LOC112694756: variants seen among roughly 807,000 people sequenced by gnomAD.
At chr16:30,069,299 C>T in the LOC112694756 span, 8 of 1,614,152 alleles carry the variant, frequency 5.0e-6, no homozygotes, top group African/African-American at 1.3e-5. Context: ...TGTCCCTCGC[C>T]CTGCAGAATG....
At chr16:30,058,699 G>C in the LOC112694756 span, among the ~76,000 whole-genome samples, 8 of 151,868 alleles carry the variant, frequency 5.3e-5, no homozygotes, top group Non-Finnish European at 1.2e-4. Flanking sequence ...AGCCAGGATG[G>C]TCTTGATCTC....
the LOC112694756 span, among the ~76,000 whole-genome samples, chr16:30,053,999 G>A: frequency 1.3e-5 from 2 of 152,114 alleles, no homozygotes; most frequent in African/African-American, 2.4e-5. Flanking sequence ...CTGCACTCCA[G>A]CCTGGGTGAC....
the LOC112694756 span, chr16:30,067,501 A>ACCGGCG: frequency 6.2e-7 from 1 of 1,613,704 alleles, no homozygotes; most frequent in Non-Finnish European, 8.5e-7. Context: ...ACCGAGGAGA[A>ACCGGCG]CCGGCGCTTC....
At chr16:30,067,200 T>G in the LOC112694756 span, 21 of 1,611,906 alleles carry the variant, frequency 1.3e-5, no homozygotes, top group South Asian at 2.3e-4. Flanking sequence ...AAACCCTAGC[T>G]AACTAGTCCT....
the LOC112694756 span, among the ~76,000 whole-genome samples, chr16:30,062,156 T>C: frequency 6.6e-6 from 1 of 150,688 alleles, no homozygotes; most frequent in Admixed American, 6.6e-5. Flanking sequence ...CAAGCTGAGA[T>C]CCCACCATTG....
the LOC112694756 span, chr16:30,068,718 C>T: frequency 1.2e-6 from 2 of 1,614,242 alleles, no homozygotes; most frequent in African/African-American, 1.3e-5. Flanking sequence ...CTGTTTGATT[C>T]TCTGCCCTAC....
At chr16:30,069,297 G>A in the LOC112694756 span, 31 of 1,614,076 alleles carry the variant, frequency 1.9e-5, no homozygotes, top group African/African-American at 8.0e-5. Flanking sequence ...CCTGTCCCTC[G>A]CCCTGCAGAA....
the LOC112694756 span, among the ~76,000 whole-genome samples, chr16:30,061,756 C>T: frequency 6.6e-6 from 1 of 151,264 alleles, no homozygotes; most frequent in Non-Finnish European, 1.5e-5. Flanking sequence ...GAAGAGGTTT[C>T]GCCATGTTGG....
At chr16:30,056,235 G>A in the LOC112694756 span, among the ~76,000 whole-genome samples, 1 of 144,340 alleles carries the variant, frequency 6.9e-6, no homozygotes, top group Non-Finnish European at 1.5e-5. Flanking sequence ...TCAGCCTCCT[G>A]AGTAGTAGGA....
the LOC112694756 span, chr16:30,067,057 C>T: frequency 3.2e-6 from 5 of 1,575,242 alleles, no homozygotes; most frequent in South Asian, 1.2e-5. Context: ...GCAGGCCTAG[C>T]AAAGGGAAGT....
the LOC112694756 span, chr16:30,068,715 A>G: frequency 1.2e-6 from 2 of 1,614,092 alleles, no homozygotes; most frequent in Non-Finnish European, 1.7e-6. Context: ...GAACTGTTTG[A>G]TTCTCTGCCC....
the LOC112694756 span, chr16:30,067,287 G>T: frequency 6.2e-7 from 1 of 1,612,690 alleles, no homozygotes; most frequent in Non-Finnish European, 8.5e-7. Context: ...TGACCCCGGA[G>T]CAGAAGAAGG....
the LOC112694756 span, chr16:30,067,365 T>G: frequency 6.2e-7 from 1 of 1,613,928 alleles, no homozygotes; most frequent in Non-Finnish European, 8.5e-7. Context: ...ATGAGTCCAC[T>G]GGTGCGGGCA....
At chr16:30,056,956 G>T in the LOC112694756 span, among the ~76,000 whole-genome samples, 1 of 149,494 alleles carries the variant, frequency 6.7e-6, no homozygotes, top group Non-Finnish European at 1.5e-5. Flanking sequence ...TGTCACCCAG[G>T]CTGGAGTGCA....
the LOC112694756 span, chr16:30,069,919 G>T: frequency 6.2e-7 from 1 of 1,614,096 alleles, no homozygotes; most frequent in Non-Finnish European, 8.5e-7. Context: ...GAAGCCCTGG[G>T]CCCTGACCTT....
chr16:30,067,933 C>G, the LOC112694756 span: 3 of 524,894 alleles, frequency 5.7e-6, no homozygotes, highest in Non-Finnish European at 6.9e-6. Flanking sequence ...ACCCAATTCA[C>G]TCAACATTTC....
the LOC112694756 span, chr16:30,067,331 C>T: frequency 2.5e-6 from 4 of 1,613,662 alleles, no homozygotes; most frequent in Non-Finnish European, 2.5e-6. Context: ...ATCGTGGCAC[C>T]TGGCAAGGGC....
At chr16:30,055,225 C>CG in the LOC112694756 span, 1 of 399,520 alleles carries the variant, frequency 2.5e-6, no homozygotes, top group Non-Finnish European at 4.4e-6. Context: ...AAGGTTCCTC[C>CG]GGGCCCCCAG....
the LOC112694756 span, among the ~76,000 whole-genome samples, chr16:30,065,161 C>T: frequency 2.6e-5 from 4 of 152,338 alleles, no homozygotes; most frequent in Non-Finnish European, 5.9e-5. Context: ...CCTCCGCGCG[C>T]CGCTAGTTCC....
Sources: gnomAD v4.1 joint callset for allele counts (sites outside exome capture counted in the v4.1 genomes callset) on GRCh38, gnomAD v4.1.1 for gene constraint, MANE v1.5 for transcripts.